ROBO2: variants seen among roughly 807,000 people sequenced by gnomAD.
ROBO2 encodes the protein roundabout homolog 2.
In ROBO2, 53 loss-of-function variants were observed where a neutral mutation model predicts 160.8. That is an observed-to-expected ratio of 0.33 (90% confidence interval 0.26 to 0.41). The LOEUF is 0.41. ROBO2 is among the 10% of genes least tolerant of loss of function. The pLI is 1.00. For synonymous variants in ROBO2, 664 were observed against 611.7 expected, an observed-to-expected ratio of 1.09 and a Z score of -1.26; for missense variants, 1,577 against 1,722.4, an observed-to-expected ratio of 0.92 and a Z score of 1.49.
chr3:77,451,738 T>C (rs2081131837), intron 2 of ROBO2, among the ~76,000 whole-genome samples: 1 of 151,644 alleles, frequency 6.6e-6, no homozygotes, highest in South Asian at 2.1e-4. Flanking sequence ...TGTGATTCTT[T>C]TCAATCATTC....
intron 2 of ROBO2, among the ~76,000 whole-genome samples, chr3:75,951,568 G>T (rs2107190361): frequency 6.6e-6 from 1 of 152,088 alleles, no homozygotes; most frequent in South Asian, 2.1e-4. Flanking sequence ...AGAAATTAAT[G>T]GTACTGCCAG....
chr3:77,059,551 G>A (rs1188450121), intron 1 of ROBO2, among the ~76,000 whole-genome samples: 4 of 152,184 alleles, frequency 2.6e-5, no homozygotes, highest in Non-Finnish European at 5.9e-5. Context: ...TTAAAGGTTA[G>A]TTGGTGGTTT....
intron 2 of ROBO2, among the ~76,000 whole-genome samples, chr3:77,214,336 G>A (rs978842604): frequency 3.9e-5 from 6 of 152,054 alleles, no homozygotes; most frequent in African/African-American, 7.2e-5. Context: ...TTATGTAATG[G>A]CCTTCTTTGT....
intron 2 of ROBO2, among the ~76,000 whole-genome samples, chr3:76,309,321 T>A (rs1276745998): frequency 6.6e-6 from 1 of 152,212 alleles, no homozygotes; most frequent in Non-Finnish European, 1.5e-5. Context: ...AATTTTAAAT[T>A]CACTATTTAT....
intron 2 of ROBO2, among the ~76,000 whole-genome samples, chr3:77,181,914 C>G (rs114868693): frequency 0.037 from 5,704 of 152,126 alleles, 152 homozygotes; most frequent in East Asian, 0.089. Flanking sequence ...GTTAACATCT[C>G]TCTTACTGGT....
chr3:76,777,737 A>G (rs906831151), intron 2 of ROBO2, among the ~76,000 whole-genome samples: 4 of 151,114 alleles, frequency 2.6e-5, no homozygotes, highest in African/African-American at 9.7e-5. Context: ...TGGTTCTTGT[A>G]TAAGAGATGG....
intron 2 of ROBO2, among the ~76,000 whole-genome samples, chr3:76,276,123 A>G (rs1707904858): frequency 6.6e-6 from 1 of 152,014 alleles, no homozygotes; most frequent in Non-Finnish European, 1.5e-5. Flanking sequence ...GGTCTTCCTA[A>G]AGTACTTAAA....
chr3:77,483,200 G>T (rs2084913054), intron 4 of ROBO2, among the ~76,000 whole-genome samples: 1 of 151,982 alleles, frequency 6.6e-6, no homozygotes, highest in Non-Finnish European at 1.5e-5. Context: ...ATAAGTACAA[G>T]ATTAAGTTGA....
chr3:77,031,227 T>C (rs988274992), intron 2 of ROBO2, among the ~76,000 whole-genome samples: 1 of 152,080 alleles, frequency 6.6e-6, no homozygotes, highest in Admixed American at 6.6e-5. Context: ...TGTGGAGGAG[T>C]TCCCAGCTGA....
intron 2 of ROBO2, among the ~76,000 whole-genome samples, chr3:76,747,668 T>C (rs1300950711): frequency 6.6e-6 from 1 of 151,986 alleles, no homozygotes; most frequent in Non-Finnish European, 1.5e-5. Flanking sequence ...ATGATTGATC[T>C]CTGATATTAT....
At chr3:76,345,037 T>C (rs1001281829) in intron 2 of ROBO2, among the ~76,000 whole-genome samples, 6 of 152,212 alleles carry the variant, frequency 3.9e-5, no homozygotes, top group African/African-American at 7.2e-5. Flanking sequence ...GAAGATGGCA[T>C]GCTCTTAACT....
intron 4 of ROBO2, among the ~76,000 whole-genome samples, chr3:77,487,948 T>A (rs1380759086): frequency 6.6e-6 from 1 of 152,290 alleles, no homozygotes; most frequent in African/African-American, 2.4e-5. Context: ...AAGAGAAATT[T>A]GTTTGCTGGG....
intron 2 of ROBO2, among the ~76,000 whole-genome samples, chr3:76,316,901 C>T (rs1481251796): frequency 6.6e-6 from 1 of 152,220 alleles, no homozygotes; most frequent in Admixed American, 6.5e-5. Flanking sequence ...TTAAGACTTT[C>T]TGGTTTGAGG....
At chr3:77,166,164 A>G (rs1560147316) in intron 2 of ROBO2, among the ~76,000 whole-genome samples, 1 of 152,156 alleles carries the variant, frequency 6.6e-6, no homozygotes, top group East Asian at 1.9e-4. Flanking sequence ...TGGCTGAGGC[A>G]TAAGAATAGC....
chr3:76,205,424 C>T (rs1702754195), intron 2 of ROBO2, among the ~76,000 whole-genome samples: 1 of 152,106 alleles, frequency 6.6e-6, no homozygotes, highest in Non-Finnish European at 1.5e-5. Context: ...GATCAAGAAG[C>T]ATCACACTCC....
At chr3:76,533,633 G>A (rs2082341234) in intron 2 of ROBO2, among the ~76,000 whole-genome samples, 1 of 152,206 alleles carries the variant, frequency 6.6e-6, no homozygotes, top group Non-Finnish European at 1.5e-5. Flanking sequence ...CAACAAGGCT[G>A]CTTATTCACT....
chr3:76,096,684 G>C (rs2069466249), intron 2 of ROBO2, among the ~76,000 whole-genome samples: 1 of 152,062 alleles, frequency 6.6e-6, no homozygotes, highest in South Asian at 2.1e-4. Flanking sequence ...CAAAACACTT[G>C]GTTTTACCAG....
In ROBO2 at chr3:76,455,021, A is replaced by G. The variant is rs2077677885; in HGVS notation, c.109+517419A>G. ...TAAAAAGGAAAAAAATTGTGGTCCA[A>G]CTAGGTAAAATAAAGTTAAAATGTT... On this transcript the variant is annotated intron_variant, in intron 2 of 26. Coordinates refer to the ROBO2 transcript ENST00000487694. 2.6e-5 allele frequency among the ~76,000 whole-genome samples: 4 copies of G among 152,120 alleles called. No individual in the cohort carries two copies. In the South Asian group the frequency reaches 8.3e-4, roughly 31 times the overall value.
At chr3:77,589,193 C>T (rs1279826230) in intron 17 of ROBO2, among the ~76,000 whole-genome samples, 1 of 150,000 alleles carries the variant, frequency 6.7e-6, no homozygotes, top group Non-Finnish European at 1.5e-5. Flanking sequence ...CTGTTTTTCT[C>T]AACTAGTTCT....
Sources: gnomAD v4.1 joint callset for allele counts (sites outside exome capture counted in the v4.1 genomes callset) on GRCh38, gnomAD v4.1.1 for gene constraint, MANE v1.5 for transcripts, NCBI Gene and HGNC (gene_info 2026-07-23, HGNC 2026-07-21) for gene names.